The following UBE2D3 variants were observed in gnomAD, a reference collection of about 807,000 sequenced individuals.
UBE2D3 encodes the protein ubiquitin-conjugating enzyme E2 D3.
Under a neutral mutation model 22.8 loss-of-function variants are expected in UBE2D3, and 2 were observed. The ratio of observed to expected loss-of-function variants is 0.09; its 90% CI spans 0.04 to 0.28. UBE2D3 has a LOEUF of 0.28. UBE2D3 is among the 10% of genes least tolerant of loss of function. UBE2D3 has a pLI of 1.00. For missense variants in UBE2D3, 27 were observed against 182.5 expected, an observed-to-expected ratio of 0.15 and a Z score of 4.91; for synonymous variants, 56 against 60.4, an observed-to-expected ratio of 0.93 and a Z score of 0.34.
At chr4:102,862,092 G>A (rs542056410) in intron 1 of UBE2D3, among the ~76,000 whole-genome samples, 12 of 151,822 alleles carry the variant, frequency 7.9e-5, no homozygotes, top group Admixed American at 6.6e-4. Flanking sequence ...TGTTATGGAA[G>A]GTGATTTCAA....
Position 102,797,194 on chromosome 4 carries a change from G to GTAAC in UBE2D3, c.*217_*220dup. The GTAAC allele has an allele frequency of 2.4e-6, 1 of 409,998 alleles. No homozygotes were observed. Among genetic ancestry groups the GTAAC allele is most frequent in the East Asian group, 3.8e-5 (1 of 26,594 alleles). 25.4% of individuals were successfully genotyped at this position (409,998 alleles called of 1,614,324 possible). A position where few individuals can be genotyped will look rare whatever the true frequency, so the allele number is the denominator to read the frequency against. ...CTGAGTCTTGGGCAACTGTTCTCTT[G>GTAAC]TAACTACTTTACAGTTTCTAAAAGC... is the stretch of plus-strand genomic sequence containing the variant. On this transcript the variant is annotated 3_prime_UTR_variant, in exon 8 of 8. Transcript: ENST00000453744.
rs1725132375 is a variant in UBE2D3, at chr4:102,795,038, T to A, written c.*2377A>T. ...TTCTTTTAAGATTTCATTGTACATA[T>A]CTCATGTCCAGTGTCCATACATTCA... is the stretch of plus-strand genomic sequence containing the variant. On this transcript the variant is annotated 3_prime_UTR_variant, in exon 8 of 8. Coordinates refer to ENST00000453744, the MANE Select transcript of UBE2D3 (RefSeq NM_181891.3). 1 of 152,072 alleles carries A rather than the reference T, an allele frequency of 6.6e-6. No individual in the cohort carries two copies. Among genetic ancestry groups the A allele is most frequent in the African/African-American group, 2.4e-5 (1 of 41,434 alleles). The allele number at this position is 152,072 out of a possible 1,614,324, so 9.4% of individuals were successfully genotyped here. A position where few individuals can be genotyped will look rare whatever the true frequency, so the allele number is the denominator to read the frequency against.
intron 6 of UBE2D3, among the ~76,000 whole-genome samples, chr4:102,799,705 G>T (rs1227645803): frequency 6.6e-6 from 1 of 151,712 alleles, no homozygotes; most frequent in Non-Finnish European, 1.5e-5. Flanking sequence ...GGGTTTTGTG[G>T]CATGAAATTC....
chr4:102,833,320 T>C (rs547575059), intron 1 of UBE2D3, among the ~76,000 whole-genome samples: 10 of 152,296 alleles, frequency 6.6e-5, no homozygotes, highest in Non-Finnish European at 1.0e-4. Context: ...TTGACTGATA[T>C]CATTTGGCTT....
At chr4:102,836,147 T>C (rs1057487610) in intron 1 of UBE2D3, among the ~76,000 whole-genome samples, 1 of 141,894 alleles carries the variant, frequency 7.0e-6, no homozygotes, top group Admixed American at 7.0e-5. Flanking sequence ...TTCCATTTTT[T>C]TTTTTTTTTT....
intron 1 of UBE2D3, among the ~76,000 whole-genome samples, chr4:102,834,768 A>C (rs1315394977): frequency 1.3e-5 from 2 of 149,512 alleles, no homozygotes; most frequent in African/African-American, 4.9e-5. Context: ...AAAAGATTCA[A>C]CTTTTTTTTT....
At chr4:102,815,095 G>C (rs1414492022) in intron 2 of UBE2D3, among the ~76,000 whole-genome samples, 2 of 151,988 alleles carry the variant, frequency 1.3e-5, no homozygotes, top group African/African-American at 2.4e-5. Context: ...CCATGGTGGA[G>C]TACAATGGCA....
intron 4 of UBE2D3, among the ~76,000 whole-genome samples, chr4:102,802,988 GATT>G (rs1297325182): frequency 3.3e-5 from 5 of 152,136 alleles, no homozygotes; most frequent in African/African-American, 1.2e-4. Flanking sequence ...TACACATGTA[GATT>G]ATTTCTTCCA....
chr4:102,799,061 T>C, intron 7 of UBE2D3: 1 of 1,453,248 alleles, frequency 6.9e-7, no homozygotes, highest in Non-Finnish European at 9.5e-7. Context: ...ATTCAAATAT[T>C]TGAGAAATTT....
At chr4:102,816,360 C>T (rs1470997061) in intron 2 of UBE2D3, among the ~76,000 whole-genome samples, 2 of 152,164 alleles carry the variant, frequency 1.3e-5, no homozygotes, top group East Asian at 3.8e-4. Flanking sequence ...TTGACAGGCA[C>T]GTGTCATGGA....
At chr4:102,805,959 T>C (rs1248759932) in intron 4 of UBE2D3, among the ~76,000 whole-genome samples, 1 of 152,202 alleles carries the variant, frequency 6.6e-6, no homozygotes, top group Non-Finnish European at 1.5e-5. Context: ...AGTAAGATCT[T>C]TAAAATTTCT....
chr4:102,829,033 A>G (rs1730955673), upstream of UBE2D3, among the ~76,000 whole-genome samples: 5 of 152,250 alleles, frequency 3.3e-5, no homozygotes, highest in South Asian at 8.3e-4. Context: ...TAAAAACTTA[A>G]CACGTCAACA....
At chr4:102,816,768 A>C (rs1186738778) in intron 2 of UBE2D3, among the ~76,000 whole-genome samples, 1 of 152,200 alleles carries the variant, frequency 6.6e-6, no homozygotes, top group African/African-American at 2.4e-5. Context: ...CATTTCTAAA[A>C]TGAAAATGTA....
In UBE2D3 at chr4:102,798,830, TG is replaced by T. The variant is rs556044453; in HGVS notation, c.398+576del. On this transcript the variant is annotated intron_variant, in intron 7 of 7. Coordinates refer to ENST00000453744, the MANE Select transcript of UBE2D3 (RefSeq NM_181891.3). ...ACAGTTTTCAGAAGACTGCCATATT[TG>T]TTACCTTTTGTTAGTTAATACAGTG... 2.0e-4 allele frequency: 220 copies of T among 1,113,660 alleles called. 1 individual carries two copies. In the African/African-American group the frequency reaches 2.9e-3, roughly 15 times the overall value. 69.0% of individuals were successfully genotyped at this position (1,113,660 alleles called of 1,614,324 possible).
At chr4:102,857,529 G>A (rs1424085728) in intron 1 of UBE2D3, among the ~76,000 whole-genome samples, 2 of 152,128 alleles carry the variant, frequency 1.3e-5, no homozygotes, top group Non-Finnish European at 2.9e-5. Flanking sequence ...AAATGTGGCT[G>A]AAAAGATGCT....
chr4:102,820,722 AAAAC>A (rs917169725), intron 2 of UBE2D3, among the ~76,000 whole-genome samples: 5 of 152,098 alleles, frequency 3.3e-5, no homozygotes, highest in Non-Finnish European at 7.4e-5. Context: ...TATGGACATT[AAAAC>A]AAACAAAACA....
chr4:102,831,145 A>T (rs223382), upstream of UBE2D3, among the ~76,000 whole-genome samples: 82,823 of 152,096 alleles, frequency 0.54, 23,150 homozygotes, highest in African/African-American at 0.68. Context: ...TTATTAGTTT[A>T]ATTAAATTGT....
upstream of UBE2D3, among the ~76,000 whole-genome samples, chr4:102,830,772 G>A (rs143471470): frequency 0.012 from 1,815 of 152,260 alleles, 15 homozygotes; most frequent in Non-Finnish European, 0.018. Context: ...AGGCTGAGGT[G>A]GGAGGATTGC....
At chr4:102,797,936 T>A (rs200316695) in intron 7 of UBE2D3, among the ~76,000 whole-genome samples, 1 of 151,566 alleles carries the variant, frequency 6.6e-6, no homozygotes, top group East Asian at 1.9e-4. Context: ...CAAGAAAAAA[T>A]GGCTTTGGGA....
Sources: gnomAD v4.1 joint callset for allele counts (sites outside exome capture counted in the v4.1 genomes callset) on GRCh38, gnomAD v4.1.1 for gene constraint, MANE v1.5 for transcripts, NCBI Gene and HGNC (gene_info 2026-07-23, HGNC 2026-07-21) for gene names.